ZNF536: variants seen among roughly 807,000 people sequenced by gnomAD.
ZNF536 encodes the protein zinc finger protein 536.
A neutral mutation model predicts 84.5 loss-of-function variants in ZNF536; 13 were observed. That is an observed-to-expected ratio of 0.15 (90% CI 0.10 to 0.24). ZNF536 has a LOEUF of 0.24. Among genes scored for constraint, ZNF536 ranks in the 10% least tolerant of loss-of-function variants. ZNF536 has a pLI of 1.00. For synonymous variants in ZNF536, 811 were observed against 742.5 expected, an observed-to-expected ratio of 1.09 and a Z score of -1.50; for missense variants, 1,536 against 1,747.5, an observed-to-expected ratio of 0.88 and a Z score of 2.16.
At chr19:30,299,394 C>T (rs765953934) in intron 2 of ZNF536, among the ~76,000 whole-genome samples, 1 of 152,016 alleles carries the variant, frequency 6.6e-6, no homozygotes, top group Non-Finnish European at 1.5e-5. Context: ...AAATATTGTC[C>T]AGTGACTCTT....
chr19:30,695,766 G>A (rs1390999014), intron 1 of ZNF536, among the ~76,000 whole-genome samples: 2 of 152,186 alleles, frequency 1.3e-5, no homozygotes, highest in Non-Finnish European at 2.9e-5. Flanking sequence ...AGGTCTCACT[G>A]TTGGTCTGAG....
In ZNF536 at chr19:30,486,137, G is replaced by A. The variant is rs1230570196; in HGVS notation, c.2170+40405G>A. Among the ~76,000 whole-genome samples the A allele has an allele frequency of 3.9e-5, 6 of 152,076 alleles. No individual in the cohort carries two copies. The South Asian group carries it at 1.0e-3, about 26-fold the overall frequency. ...AAGTTCCGGGATACATGTGCAGGAT[G>A]TGCAGGTTTGTTACATAGGTAAACA... On this transcript the variant is annotated intron_variant, in intron 2 of 4. Coordinates refer to ENST00000355537, the MANE Select transcript of ZNF536 (RefSeq NM_014717.3).
intron 2 of ZNF536, among the ~76,000 whole-genome samples, chr19:30,325,643 G>A (rs1315013795): frequency 1.3e-5 from 2 of 152,200 alleles, no homozygotes; most frequent in East Asian, 3.9e-4. Context: ...AGAGCACTTA[G>A]GGGTGGCTGA....
At chr19:30,454,885 T>C (rs543380648) in intron 2 of ZNF536, among the ~76,000 whole-genome samples, 1 of 152,116 alleles carries the variant, frequency 6.6e-6, no homozygotes, top group Non-Finnish European at 1.5e-5. Context: ...ATGCAAAAAT[T>C]AACCGGGCTT....
chr19:30,680,936 A>T (rs1410154498), intron 1 of ZNF536, among the ~76,000 whole-genome samples: 1 of 152,078 alleles, frequency 6.6e-6, no homozygotes, highest in Admixed American at 6.5e-5. Flanking sequence ...CTTTTTAATG[A>T]TCACCATTCT....
intron 1 of ZNF536, among the ~76,000 whole-genome samples, chr19:30,407,387 T>C (rs1315554210): frequency 6.6e-6 from 1 of 152,210 alleles, no homozygotes; most frequent in East Asian, 1.9e-4. Flanking sequence ...AGAAGACTTC[T>C]GTGACCAAAT....
intron 1 of ZNF536, among the ~76,000 whole-genome samples, chr19:30,631,609 G>A (rs1568620032): frequency 6.6e-6 from 1 of 152,142 alleles, no homozygotes; most frequent in Non-Finnish European, 1.5e-5. Context: ...GAAAGGGTGG[G>A]TTACTCCCAG....
intron 1 of ZNF536, among the ~76,000 whole-genome samples, chr19:30,671,652 G>A (rs1308722020): frequency 1.3e-5 from 2 of 152,130 alleles, no homozygotes; most frequent in Non-Finnish European, 2.9e-5. Context: ...AGGAGGAGGC[G>A]GGCAGTCTGC....
At chr19:30,383,295 C>A (rs999088683) in intron 1 of ZNF536, among the ~76,000 whole-genome samples, 5 of 129,012 alleles carry the variant, frequency 3.9e-5, no homozygotes, top group Non-Finnish European at 7.2e-5. Context: ...GTCTCAAAAA[C>A]AAAGAAACAA....
intron 1 of ZNF536, among the ~76,000 whole-genome samples, chr19:30,681,295 G>T (rs748985331): frequency 6.6e-6 from 1 of 152,140 alleles, no homozygotes; most frequent in African/African-American, 2.4e-5. Flanking sequence ...AGACCTGAGC[G>T]CCAGGCCTGT....
chr19:30,416,007 A>G (rs1240795335), intron 1 of ZNF536, among the ~76,000 whole-genome samples: 1 of 152,030 alleles, frequency 6.6e-6, no homozygotes, highest in African/African-American at 2.4e-5. Flanking sequence ...ATGTCTTTTC[A>G]TTTATCTCCT....
chr19:30,444,845 C>T lies in ZNF536; in HGVS notation c.1283C>T (p.Ser428Phe), dbSNP rs1568436551. The T allele has an allele frequency of 1.2e-6, 2 of 1,613,656 alleles. No individual in the cohort carries two copies. The highest frequency in any genetic ancestry group is 2.2e-5 in the South Asian group (2 of 91,080). Residue 428 changes from serine to phenylalanine, a missense_variant, in exon 2 of 5, where the codon TCC (serine) becomes TTC (phenylalanine). Ser to Phe is a radical substitution (Grantham distance 155). Coordinates refer to ENST00000355537, the MANE Select transcript of ZNF536 (RefSeq NM_014717.3). ...CAGGAGGCCCACGCCAACCTGTACT[C>T]CAGGTACCTCTCCTGCCTGCAGAGT... ...MSQEAHANLY[S>F]RYLSCLQSGF...
intron 3 of ZNF536, among the ~76,000 whole-genome samples, chr19:30,545,285 T>A (rs1266904475): frequency 6.7e-6 from 1 of 150,280 alleles, no homozygotes; most frequent in Non-Finnish European, 1.5e-5. Context: ...ACCCAGGGAA[T>A]CAGAACTGCT....
chr19:30,560,944 A>G (rs1192436684), downstream of ZNF536, among the ~76,000 whole-genome samples: 1 of 152,184 alleles, frequency 6.6e-6, no homozygotes, highest in Admixed American at 6.5e-5. Flanking sequence ...AAGTTGGGGA[A>G]CTCTGCACAG....
chr19:30,632,894 A>T (rs892647840), intron 1 of ZNF536, among the ~76,000 whole-genome samples: 3 of 152,206 alleles, frequency 2.0e-5, no homozygotes, highest in African/African-American at 7.2e-5. Flanking sequence ...TCTTTAAATG[A>T]TCTGGAAGAT....
intron 1 of ZNF536, among the ~76,000 whole-genome samples, chr19:30,234,218 A>G (rs1306087823): frequency 1.3e-5 from 2 of 152,064 alleles, no homozygotes; most frequent in Non-Finnish European, 2.9e-5. Flanking sequence ...CTATCTAGGC[A>G]TTACAGCTTT....
chr19:30,256,450 C>T lies in ZNF536; in HGVS notation c.-189-27622C>T, dbSNP rs547652757. 5.3e-5 allele frequency among the ~76,000 whole-genome samples: 8 copies of T among 152,252 alleles called. 1 individual carries two copies. The East Asian group carries it at 7.7e-4, about 15-fold the overall frequency. ...GCAGAAATGCCCTTTCTTCATGATTCGGTATTGGCAATAGCGACGTATGTT... is the reference window on the plus strand; with the variant it reads ...GCAGAAATGCCCTTTCTTCATGATTTGGTATTGGCAATAGCGACGTATGTT... On this transcript the variant is annotated intron_variant, in intron 1 of 5. Coordinates refer to the ZNF536 transcript ENST00000585628.
chr19:30,557,486 T>C lies in ZNF536; in HGVS notation c.*322T>C. The stretch of plus-strand genomic sequence containing the variant: ...GTGACAACTGCTGCTGGATGACAGA[T>C]CCCTTCACCTGTGGACAACCTGGCT... On this transcript the variant is annotated 3_prime_UTR_variant, in exon 5 of 5. Transcript: ENST00000355537. The C allele has an allele frequency of 3.9e-6, 1 of 253,754 alleles. No homozygotes were observed. 15.7% of individuals were successfully genotyped at this position (253,754 alleles called of 1,614,324 possible). A position where few individuals can be genotyped will look rare whatever the true frequency, so the allele number is the denominator to read the frequency against.
intron 1 of ZNF536, among the ~76,000 whole-genome samples, chr19:30,652,281 C>T (rs938846696): frequency 6.6e-6 from 1 of 152,134 alleles, no homozygotes; most frequent in African/African-American, 2.4e-5. Context: ...CTTTTCTTCT[C>T]ATTGATGTGA....
Sources: allele counts gnomAD v4.1 joint callset (sites outside exome capture counted in the v4.1 genomes callset), GRCh38; gene constraint gnomAD v4.1.1; transcripts MANE v1.5; gene names NCBI Gene and HGNC (gene_info 2026-07-23, HGNC 2026-07-21).